Variants in RHOF observed in about 807,000 individuals in gnomAD.
The protein encoded by RHOF is rho-related GTP-binding protein RhoF.
In RHOF, 21 loss-of-function variants were observed where a neutral mutation model predicts 22.2. The ratio of observed to expected loss-of-function variants is 0.95; its 90% CI spans 0.67 to 1.36. The LOEUF (loss-of-function observed/expected upper bound fraction) is 1.36. Ranked by LOEUF, RHOF falls within the 40% of genes most tolerant of loss-of-function variation. The probability of loss-of-function intolerance (pLI) is 0.00; values close to 1 mark genes in which losing one functional copy is unlikely to be tolerated. For synonymous variants in RHOF, 135 were observed against 131.2 expected (o/e 1.03, Z -0.20); for missense variants, 285 against 293.7 (o/e 0.97, Z 0.22).
chr12:121,779,917 G>A lies in RHOF; in HGVS notation c.472-255C>T, dbSNP rs149977539. 1,138 of 468,412 alleles carry A rather than the reference G, an allele frequency of 2.4e-3. 12 individuals are homozygous for A. Among genetic ancestry groups the A allele is most frequent in the African/African-American group, 0.02 (1,028 of 50,774 alleles). The allele number at this position is 468,412 out of a possible 1,614,324, so 29.0% of individuals were successfully genotyped here. On this transcript the variant is annotated intron_variant, in intron 4 of 4. Transcript: ENST00000267205. The stretch of plus-strand genomic sequence containing the variant: ...TCTCTCCAGCTCCGGGCAGGGAGGG[G>A]CTGAATCCTGAGACCCGGGGTTGGT...
At chr12:121,784,057 G>A (rs1874545931) in intron 2 of RHOF, among the ~76,000 whole-genome samples, 1 of 152,092 alleles carries the variant, frequency 6.6e-6, no homozygotes, top group Admixed American at 6.5e-5. Flanking sequence ...TGTGCTTGCT[G>A]TTCCACATGC....
intron 2 of RHOF, among the ~76,000 whole-genome samples, chr12:121,789,450 G>A (rs1874705656): frequency 6.6e-6 from 1 of 152,164 alleles, no homozygotes; most frequent in African/African-American, 2.4e-5. Flanking sequence ...CTGCTTCCAG[G>A]GACAGGGGTC....
chr12:121,793,136 G>A lies in RHOF; in HGVS notation c.226+16C>T. 1 of 1,547,838 alleles carries A rather than the reference G, an allele frequency of 6.5e-7. No individual in the cohort carries two copies. Among genetic ancestry groups the A allele is most frequent in the East Asian group, 2.4e-5 (1 of 40,886 alleles). ...CGGGCGGACCCTCGGGCCCCCCGGC[G>A]CGCAGGCGCACTCACCGGCCGTGTC... On this transcript the variant is annotated intron_variant, in intron 2 of 4. Transcript: ENST00000267205.
At chr12:121,790,143 A>T (rs2137505833) in intron 2 of RHOF, among the ~76,000 whole-genome samples, 1 of 152,236 alleles carries the variant, frequency 6.6e-6, no homozygotes, top group South Asian at 2.1e-4. Flanking sequence ...CTTCCTCAGG[A>T]GGGAGACAGC....
At chr12:121,793,117 G>C in intron 2 of RHOF, 35 bp downstream of exon 2, 1 of 1,532,508 alleles carries the variant, frequency 6.5e-7, no homozygotes, top group Non-Finnish European at 8.8e-7. Flanking sequence ...CGGGCGGGCG[G>C]ACCCTCGGGC....
At chr12:121,789,548 C>T (rs995879101) in intron 2 of RHOF, among the ~76,000 whole-genome samples, 1 of 152,118 alleles carries the variant, frequency 6.6e-6, no homozygotes, top group Non-Finnish European at 1.5e-5. Context: ...CCAGCTGCGG[C>T]GTTGGTCAGG....
intron 2 of RHOF, among the ~76,000 whole-genome samples, chr12:121,786,703 G>A (rs1874618815): frequency 6.6e-6 from 1 of 152,094 alleles, no homozygotes; most frequent in African/African-American, 2.4e-5. Flanking sequence ...CCCCATGACA[G>A]TGGCTTTACT....
Position 121,777,969 on chromosome 12 carries a change from C to CT in RHOF, c.*1528dup. The CT allele has an allele frequency of 1.3e-5, 2 of 152,290 alleles. No individual in the cohort carries two copies. Among genetic ancestry groups the CT allele is most frequent in the South Asian group, 4.1e-4 (2 of 4,826 alleles). The allele number at this position is 152,290 out of a possible 1,614,324, so 9.4% of individuals were successfully genotyped here. On this transcript the variant is annotated 3_prime_UTR_variant, in exon 5 of 5. Transcript: ENST00000267205. ...AAGGCTCCTTCCTTTGGCAACCTGA[C>CT]TTCTTGGAAGCTCAGGTTTAGCTGA...
rs140292732 is a variant in RHOF, at chr12:121,778,040, A to T, written c.*1458T>A. ...GGGGCTGAGGCAGGAGATATGGGGA[A>T]GGCTAGGAGTTGCCTGAAGCCATTA... On this transcript the variant is annotated 3_prime_UTR_variant, in exon 5 of 5. Coordinates refer to ENST00000267205, the MANE Select transcript of RHOF (RefSeq NM_019034.3). The T allele has an allele frequency of 6.6e-6, 1 of 152,252 alleles. No individual in the cohort carries two copies. The highest frequency in any genetic ancestry group is 1.5e-5 in the Non-Finnish European group (1 of 68,014). 9.4% of individuals were successfully genotyped at this position (152,252 alleles called of 1,614,324 possible).
In RHOF at chr12:121,780,851, AG is replaced by A; in HGVS notation, c.471+20del. 1 of 1,607,428 alleles carries A rather than the reference AG, an allele frequency of 6.2e-7. No homozygotes were observed. Among genetic ancestry groups the A allele is most frequent in the Non-Finnish European group, 8.5e-7 (1 of 1,177,172 alleles). ...GGCTTCACAGCCACGGCTGTGCCCC[AG>A]GGTCTTGGCCCCGGCCCACCTGCAT... On this transcript the variant is annotated intron_variant, in intron 4 of 4. Transcript: ENST00000267205.
In RHOF at chr12:121,793,651, A is replaced by C. The variant is rs1225801020; in HGVS notation, c.-18T>G. On this transcript the variant is annotated 5_prime_UTR_variant, in exon 1 of 5. Coordinates refer to ENST00000267205, the MANE Select transcript of RHOF (RefSeq NM_019034.3). ...GCATCCATTGCCCGGAGCCCGCAGCACTGGCGGCGGCGCGCCGGGCACTAG... is the reference window on the plus strand; with the variant it reads ...GCATCCATTGCCCGGAGCCCGCAGCCCTGGCGGCGGCGCGCCGGGCACTAG... 6.6e-7 allele frequency: 1 copy of C among 1,521,020 alleles called. No homozygotes were observed. Among genetic ancestry groups the C allele is most frequent in the Non-Finnish European group, 8.8e-7 (1 of 1,141,082 alleles). 94.2% of individuals were successfully genotyped at this position (1,521,020 alleles called of 1,614,324 possible). A position where few individuals can be genotyped will look rare whatever the true frequency, so the allele number is the denominator to read the frequency against.
intron 2 of RHOF, among the ~76,000 whole-genome samples, chr12:121,792,093 C>T (rs1014031279): frequency 3.3e-5 from 5 of 152,084 alleles, no homozygotes; most frequent in Non-Finnish European, 5.9e-5. Flanking sequence ...CTGCTGAAGT[C>T]GGAATGGAGG....
At chr12:121,781,305 A>G (rs1172587898) in intron 2 of RHOF, 113 bp from the exon 3 acceptor site, 1 of 868,526 alleles carries the variant, frequency 1.2e-6, no homozygotes, top group South Asian at 1.6e-5. Context: ...CAATTTCCTC[A>G]TCTATACAAT....
In RHOF at chr12:121,780,856, C is replaced by T. The variant is rs1174940394; in HGVS notation, c.471+16G>A. The stretch of plus-strand genomic sequence containing the variant: ...CACAGCCACGGCTGTGCCCCAGGGT[C>T]TTGGCCCCGGCCCACCTGCATGTAG... On this transcript the variant is annotated intron_variant, in intron 4 of 4. Coordinates refer to ENST00000267205, the MANE Select transcript of RHOF (RefSeq NM_019034.3). 1.2e-6 allele frequency: 2 copies of T among 1,609,884 alleles called. No individual in the cohort carries two copies. Among genetic ancestry groups the T allele is most frequent in the Non-Finnish European group, 1.7e-6 (2 of 1,178,206 alleles).
chr12:121,784,856 G>A (rs1004613170), intron 2 of RHOF, among the ~76,000 whole-genome samples: 3 of 152,258 alleles, frequency 2.0e-5, no homozygotes, highest in South Asian at 2.1e-4. Context: ...AAATATGGCC[G>A]GAGTGAACAG....
chr12:121,788,735 A>T (rs1270506023), intron 2 of RHOF, among the ~76,000 whole-genome samples: 1 of 152,028 alleles, frequency 6.6e-6, no homozygotes, highest in Non-Finnish European at 1.5e-5. Context: ...CCTCCCCCTA[A>T]TCTGGAAGGT....
chr12:121,788,765 G>A (rs190776976), intron 2 of RHOF, among the ~76,000 whole-genome samples: 3 of 152,240 alleles, frequency 2.0e-5, no homozygotes, highest in East Asian at 3.9e-4. Flanking sequence ...GGAGAAGGGA[G>A]GCAATGCTTA....
chr12:121,782,358 C>T (rs1163661129), intron 2 of RHOF: 1 of 152,242 alleles, frequency 6.6e-6, no homozygotes, highest in African/African-American at 2.4e-5. Context: ...GCCAGCCCAG[C>T]CCAGGGTTCT....
intron 4 of RHOF, 44 bp from the exon 5 acceptor site, chr12:121,779,706 G>A: frequency 1.2e-6 from 2 of 1,607,244 alleles, no homozygotes; most frequent in Non-Finnish European, 1.7e-6. Context: ...GGCCCCTGGA[G>A]GTCTCCTAGC....
Sources: allele counts gnomAD v4.1 joint callset (sites outside exome capture counted in the v4.1 genomes callset), GRCh38; gene constraint gnomAD v4.1.1; transcripts MANE v1.5; gene names NCBI Gene and HGNC (gene_info 2026-07-23, HGNC 2026-07-21).